Variants in SYBU observed in about 807,000 individuals in gnomAD.
SYBU encodes syntabulin, also known as GOLSYN A protein.
Under a neutral mutation model 35.9 loss-of-function variants are expected in SYBU, and 21 were observed. The ratio of observed to expected loss-of-function variants is 0.58; its 90% confidence interval spans 0.41 to 0.84. The LOEUF is 0.84. SYBU is among the 40% of genes least tolerant of loss of function. The pLI is 0.00. For synonymous variants in SYBU, 319 were observed against 324.3 expected (o/e 0.98, Z 0.18); for missense variants, 768 against 848.2 (o/e 0.91, Z 1.17).
At chr8:109,578,481 G>A (rs1022604318) in intron 5 of SYBU, among the ~76,000 whole-genome samples, 6 of 152,222 alleles carry the variant, frequency 3.9e-5, no homozygotes, top group Non-Finnish European at 7.3e-5. Flanking sequence ...TGGTAGCTGT[G>A]TGCTGGGGTC....
At chr8:109,587,755 G>A (rs1199354263) in intron 3 of SYBU, among the ~76,000 whole-genome samples, 1 of 152,180 alleles carries the variant, frequency 6.6e-6, no homozygotes, top group Non-Finnish European at 1.5e-5. Context: ...CTCTAGGAAA[G>A]AGACCAAGAA....
Position 109,632,940 on chromosome 8 carries a change from T to C in SYBU, c.229+9788A>G, listed in dbSNP as rs192179157. Among the ~76,000 whole-genome samples the C allele has an allele frequency of 6.2e-4, 94 of 152,374 alleles. 1 individual carries two copies. Among genetic ancestry groups the C allele is most frequent in the African/African-American group, 2.2e-3 (91 of 41,596 alleles). On this transcript the variant is annotated intron_variant, in intron 2 of 6. Coordinates refer to ENST00000276646, the MANE Select transcript of SYBU (RefSeq NM_001099754.2). ...GCCATGCCGGTAGTGTTTATTGCTC[T>C]AGCTCAGCAACTAGAAAACTGCCTT...
At chr8:109,596,100 G>A (rs1824846586) in intron 3 of SYBU, among the ~76,000 whole-genome samples, 1 of 152,302 alleles carries the variant, frequency 6.6e-6, no homozygotes, top group South Asian at 2.1e-4. Flanking sequence ...TTTAGAGGCT[G>A]AACCTGCTGA....
intron 2 of SYBU, among the ~76,000 whole-genome samples, chr8:109,639,264 G>C (rs1814584194): frequency 6.6e-6 from 1 of 152,078 alleles, no homozygotes; most frequent in South Asian, 2.1e-4. Flanking sequence ...AGAAAAGCCA[G>C]ATTCTCAAAA....
intron 1 of SYBU, among the ~76,000 whole-genome samples, chr8:109,654,138 G>T (rs1458458679): frequency 1.3e-5 from 2 of 152,072 alleles, no homozygotes; most frequent in East Asian, 3.9e-4. Flanking sequence ...TGAAATAAAT[G>T]ACCATCCAAA....
At chr8:109,689,819 G>T (rs1587007354) in intron 1 of SYBU, among the ~76,000 whole-genome samples, 3 of 110,570 alleles carry the variant, frequency 2.7e-5, no homozygotes, top group Non-Finnish European at 3.4e-5. Flanking sequence ...TTTACCTACT[G>T]TTACTACAAT....
intron 1 of SYBU, chr8:109,643,688 T>G: frequency 6.2e-6 from 1 of 160,200 alleles, no homozygotes; most frequent in South Asian, 1.7e-4. Context: ...GTAACAGTAA[T>G]ATTTTCACAA....
At chr8:109,585,986 T>G in intron 4 of SYBU, 74 bp downstream of exon 4, 1 of 995,576 alleles carries the variant, frequency 1.0e-6, no homozygotes, top group African/African-American at 1.6e-5. Context: ...ATCCGGGTGG[T>G]TCTACAGATG....
Position 109,580,710 on chromosome 8 carries a change from C to T in SYBU, c.531-708G>A, listed in dbSNP as rs538188189. Among the ~76,000 whole-genome samples, 17 of 152,132 alleles carry T rather than the reference C, an allele frequency of 1.1e-4. No individual in the cohort carries two copies. In the South Asian group the frequency reaches 2.3e-3, roughly 20 times the overall value. The stretch of plus-strand genomic sequence containing the variant: ...TGGCCTTTCAAAATGGAATCTGATT[C>T]ACTATCCTCCTCAAAGCCTTGCGAT... On this transcript the variant is annotated intron_variant, in intron 4 of 6. Transcript: ENST00000276646.
chr8:109,645,562 C>A (rs534415321), upstream of SYBU: 2 of 325,428 alleles, frequency 6.1e-6, no homozygotes, highest in Non-Finnish European at 6.1e-6. Context: ...CGAGTTCAAG[C>A]CAGCACTCCA....
intron 2 of SYBU, among the ~76,000 whole-genome samples, chr8:109,637,676 T>C (rs888213815): frequency 2.0e-5 from 3 of 152,198 alleles, no homozygotes; most frequent in Non-Finnish European, 4.4e-5. Context: ...ATCTCAGTTC[T>C]AATCATTATG....
At chr8:109,656,459 T>G (rs1347968497) in intron 1 of SYBU, among the ~76,000 whole-genome samples, 1 of 152,184 alleles carries the variant, frequency 6.6e-6, no homozygotes. Context: ...AAGAATCTTC[T>G]GTTTGTCATT....
chr8:109,665,672 T>C (rs1031218640), intron 1 of SYBU, among the ~76,000 whole-genome samples: 5 of 152,230 alleles, frequency 3.3e-5, no homozygotes, highest in Non-Finnish European at 7.3e-5. Context: ...ATTTGTGACA[T>C]TGAAACAAGA....
intron 1 of SYBU, among the ~76,000 whole-genome samples, chr8:109,672,793 C>T (rs763099183): frequency 6.6e-5 from 10 of 152,226 alleles, no homozygotes; most frequent in Non-Finnish European, 8.8e-5. Flanking sequence ...TTTAAATTCT[C>T]GCTGCCAGCA....
chr8:109,666,183 T>C (rs1048190185), intron 1 of SYBU, among the ~76,000 whole-genome samples: 13 of 152,182 alleles, frequency 8.5e-5, no homozygotes, highest in Non-Finnish European at 1.8e-4. Context: ...AACGTGGATG[T>C]GGATTAGGAA....
intron 3 of SYBU, among the ~76,000 whole-genome samples, chr8:109,607,577 T>C (rs1464530941): frequency 6.6e-6 from 1 of 152,214 alleles, no homozygotes; most frequent in African/African-American, 2.4e-5. Flanking sequence ...CAACATGCAA[T>C]GCTCATGGTT....
intron 2 of SYBU, among the ~76,000 whole-genome samples, chr8:109,630,927 AG>A (rs1331634690): frequency 1.3e-5 from 2 of 152,206 alleles, no homozygotes; most frequent in Admixed American, 1.3e-4. Context: ...CTTGAAAGGC[AG>A]GAGGAACGCT....
intron 1 of SYBU, among the ~76,000 whole-genome samples, chr8:109,675,204 A>G (rs1230080213): frequency 6.6e-6 from 1 of 152,244 alleles, no homozygotes; most frequent in Non-Finnish European, 1.5e-5. Flanking sequence ...TCTAAAATTG[A>G]CACCCTAACA....
intron 3 of SYBU, among the ~76,000 whole-genome samples, chr8:109,602,979 T>C (rs942544211): frequency 1.3e-5 from 2 of 152,088 alleles, no homozygotes; most frequent in Non-Finnish European, 2.9e-5. Flanking sequence ...AACAGAGAAA[T>C]GCCTGGATCA....
Sources: gnomAD v4.1 joint callset for allele counts (sites outside exome capture counted in the v4.1 genomes callset) on GRCh38, gnomAD v4.1.1 for gene constraint, MANE v1.5 for transcripts, NCBI Gene and HGNC (gene_info 2026-07-23, HGNC 2026-07-21) for gene names.